Variants in C9orf72 observed in about 807,000 individuals in gnomAD.
C9orf72 encodes the protein guanine nucleotide exchange factor C9orf72.
In C9orf72, 44 loss-of-function variants were observed where a neutral mutation model predicts 51.6. The ratio of observed to expected loss-of-function variants is 0.85; its 90% CI spans 0.67 to 1.10. The LOEUF (loss-of-function observed/expected upper bound fraction) is 1.10, where lower values mean the gene tolerates loss of function less well. C9orf72 is among the 50% of genes least tolerant of loss of function. The pLI, the probability that C9orf72 is intolerant of heterozygous loss-of-function variation, is 0.00. For synonymous variants in C9orf72, 213 were observed against 194.2 expected (o/e 1.10, Z -0.81); for missense variants, 607 against 570.6 (o/e 1.06, Z -0.65).
intron 9 of C9orf72, among the ~76,000 whole-genome samples, chr9:27,550,411 G>C (rs1016214175): frequency 2.0e-5 from 3 of 151,922 alleles, no homozygotes; most frequent in Non-Finnish European, 4.4e-5. Context: ...TGTAAACAAA[G>C]GTCTGAATTC....
In C9orf72 at chr9:27,548,646, G is replaced by C; in HGVS notation, c.1170C>G (p.Gly390=). The C allele has an allele frequency of 6.2e-7, 1 of 1,610,492 alleles. No individual in the cohort carries two copies. Among genetic ancestry groups the C allele is most frequent in the Non-Finnish European group, 8.5e-7 (1 of 1,176,844 alleles). The change falls in exon 10 of 11, where the codon GGC becomes GGG. Residue 390 remains glycine (G), a synonymous_variant. Coordinates refer to ENST00000380003, the MANE Select transcript of C9orf72 (RefSeq NM_018325.5). ...CAAGGAAAGTACTTCTGAGAGATAA[G>C]CCAGGTTTCAGCTGAAAGACCTGCA... is the stretch of plus-strand genomic sequence containing the variant. ...FLDQVFQLKP[G]LSLRSTFLAQ... is the part of the protein sequence containing the mutation.
chr9:27,560,365 A>C (rs1429011695), intron 5 of C9orf72, 66 bp from the exon 6 acceptor site: 5 of 1,230,710 alleles, frequency 4.1e-6, no homozygotes, highest in Non-Finnish European at 5.7e-6. Flanking sequence ...TAAAAACAAA[A>C]AAAAGTAGGT....
intron 7 of C9orf72, among the ~76,000 whole-genome samples, chr9:27,557,214 A>G (rs1819222719): frequency 1.3e-5 from 2 of 152,172 alleles, no homozygotes. Flanking sequence ...GATATACCAA[A>G]TATTAACAGT....
At chr9:27,548,802 T>C (rs1587297164) in intron 9 of C9orf72, 136 bp from the exon 10 acceptor site, 1 of 573,086 alleles carries the variant, frequency 1.7e-6, no homozygotes, top group East Asian at 2.9e-5. Context: ...TGATGCCCCC[T>C]AACAGGAGTG....
At chr9:27,564,255 C>G (rs1172341433) in intron 3 of C9orf72, among the ~76,000 whole-genome samples, 1 of 150,180 alleles carries the variant, frequency 6.7e-6, no homozygotes, top group Non-Finnish European at 1.5e-5. Context: ...ACTTCCCAAA[C>G]TTGAACTTCT....
chr9:27,561,846 C>A (rs1212708897), intron 4 of C9orf72, among the ~76,000 whole-genome samples, 197 bp from the exon 5 acceptor site: 1 of 152,116 alleles, frequency 6.6e-6, no homozygotes, highest in East Asian at 1.9e-4. Context: ...GCTGGTCAAG[C>A]AGGTTAAACA....
chr9:27,573,486 C>CCCCGCCCCGGGCCCGCCCCCGGG (rs1401904755), upstream of C9orf72: 2 of 146,212 alleles, frequency 1.4e-5, no homozygotes, highest in African/African-American at 5.0e-5. Flanking sequence ...GCAACCGCAG[C>CCCCGCCCCGGGCCCGCCCCCGGG]CCCGCCCCGG....
intron 8 of C9orf72, among the ~76,000 whole-genome samples, chr9:27,556,186 G>C (rs1819190115): frequency 6.6e-6 from 1 of 151,690 alleles, no homozygotes. Context: ...TACTTCTTTG[G>C]TTTTGTTAAT....
In C9orf72 at chr9:27,560,133, C is replaced by G. The variant is rs1295603326; in HGVS notation, c.738+94G>C. 3 of 779,998 alleles carry G rather than the reference C, an allele frequency of 3.8e-6. No homozygotes were observed. In the East Asian group the frequency reaches 8.7e-5, roughly 23 times the overall value. 48.3% of individuals were successfully genotyped at this position (779,998 alleles called of 1,614,324 possible). A position where few individuals can be genotyped will look rare whatever the true frequency, so the allele number is the denominator to read the frequency against. ...ACATTGCCTCCTTATACTACTAGAT[C>G]ATTTTAATTGCAACCTACCATTTAA... On this transcript the variant is annotated intron_variant, in intron 6 of 10. Coordinates refer to ENST00000380003, the MANE Select transcript of C9orf72 (RefSeq NM_018325.5).
At position 27,565,532 on chromosome 9, in the gene C9orf72, T is replaced by A; in HGVS notation, c.503A>T (p.Gln168Leu). 1 of 1,593,424 alleles carries A rather than the reference T, an allele frequency of 6.3e-7. No individual in the cohort carries two copies. Residue 168 changes from glutamine to leucine, a missense_variant and splice_region_variant, in exon 3 of 11, where the codon CAG becomes CTG. Gln to Leu is a moderately radical substitution (Grantham distance 113). Transcript: ENST00000380003. ...ILEGTERMED[Q>L]GQSIIPMLTG... ...TGACAGTATGCAATTTGCATATACC[T>A]GATCTTCCATTCTCTCTGTGCCTTC...
At position 27,561,637 on chromosome 9, in the gene C9orf72, CT is replaced by C; in HGVS notation, c.612del (p.Val205TyrfsTer32). 1 of 1,598,398 alleles carries C rather than the reference CT, an allele frequency of 6.3e-7. No homozygotes were observed. Among genetic ancestry groups the C allele is most frequent in the South Asian group, 1.1e-5 (1 of 89,556 alleles). ...TCACCAATATCATCATCATTGAGTA[CT>C]GTATCAGCTATCTAAAATGCATCAA... ...SVPEEIDIAD[T>X]VLNDDDIGDS... On this transcript the variant is annotated frameshift_variant, in exon 5 of 11. Transcript: ENST00000380003. LOFTEE classifies it high-confidence loss of function.
At chr9:27,562,917 A>G (rs1018279493) in intron 3 of C9orf72, among the ~76,000 whole-genome samples, 3 of 152,014 alleles carry the variant, frequency 2.0e-5, no homozygotes, top group Non-Finnish European at 2.9e-5. Context: ...CCGGCCCTAA[A>G]GCTCACTTTT....
intron 9 of C9orf72, among the ~76,000 whole-genome samples, chr9:27,550,332 A>T (rs1820881169): frequency 6.6e-6 from 1 of 151,882 alleles, no homozygotes; most frequent in African/African-American, 2.4e-5. Context: ...GTTTCAAAAA[A>T]CAGTAGTTGT....
chr9:27,573,065 C>T (rs955699922), intron 1 of C9orf72, among the ~76,000 whole-genome samples: 23 of 152,170 alleles, frequency 1.5e-4, no homozygotes, highest in African/African-American at 5.5e-4. Flanking sequence ...CGGCCTTCCC[C>T]CAGGCGAGGC....
chr9:27,562,522 G>C lies in C9orf72; in HGVS notation c.505-46C>G, dbSNP rs778372278. Reference sequence around the variant, plus strand: ...AAGTGAAGAAAATCACGTAATATGAGAGAAGCTGGGCAATAAAAAATAAAA... The same window carrying C: ...AAGTGAAGAAAATCACGTAATATGACAGAAGCTGGGCAATAAAAAATAAAA... On this transcript the variant is annotated intron_variant, in intron 3 of 10. Coordinates refer to ENST00000380003, the MANE Select transcript of C9orf72 (RefSeq NM_018325.5). 1.7e-5 allele frequency: 15 copies of C among 905,810 alleles called. No individual in the cohort carries two copies. In the South Asian group the frequency reaches 2.5e-4, roughly 15 times the overall value. The allele number at this position is 905,810 out of a possible 1,614,324, so 56.1% of individuals were successfully genotyped here. A position where few individuals can be genotyped will look rare whatever the true frequency, so the allele number is the denominator to read the frequency against.
rs962645019 is a variant in C9orf72, at chr9:27,573,432, C to T, written c.-46G>A. ...CCAGGATGCCGCCTCCTCACTCACC[C>T]ACTCGCCACCGCCTGCGCCTCCGCC... is the stretch of plus-strand genomic sequence containing the variant. On this transcript the variant is annotated splice_region_variant and 5_prime_UTR_variant, in exon 1 of 11. Coordinates refer to ENST00000380003, the MANE Select transcript of C9orf72 (RefSeq NM_018325.5). The T allele has an allele frequency of 4.0e-5, 6 of 151,588 alleles. No homozygotes were observed. The highest frequency in any genetic ancestry group is 7.3e-5 in the African/African-American group (3 of 41,324). 9.4% of individuals were successfully genotyped at this position (151,588 alleles called of 1,614,324 possible).
At chr9:27,564,156 C>CAAAAAAAAAAAAAAAAA (rs11438223) in intron 3 of C9orf72, among the ~76,000 whole-genome samples, 1 of 86,724 alleles carries the variant, frequency 1.2e-5, no homozygotes, top group Non-Finnish European at 2.2e-5. Context: ...TCAACAACAC[C>CAAAAAAAAAAAAAAAAA]AAAAAAAAAA....
At chr9:27,563,448 G>T (rs1266825271) in intron 3 of C9orf72, among the ~76,000 whole-genome samples, 1 of 152,096 alleles carries the variant, frequency 6.6e-6, no homozygotes, top group Non-Finnish European at 1.5e-5. Flanking sequence ...AGATATAAAT[G>T]AAATTGTCAA....
Position 27,556,725 on chromosome 9 carries a change from A to T in C9orf72, c.927T>A (p.Asp309Glu). ...TCTGCTTCACAGTATTGACATCCAC[A>T]TCTATGTGTGTGGTGGGATATGGAG... ...MYAPYPTTHI[D>E]VDVNTVKQMP... Residue 309 changes from aspartate (D) to glutamate (E), a missense_variant, in exon 8 of 11, where the codon GAT (aspartate) becomes GAA (glutamate). Transcript: ENST00000380003. 1.9e-6 allele frequency: 3 copies of T among 1,614,026 alleles called. No individual in the cohort carries two copies. Among genetic ancestry groups the T allele is most frequent in the Non-Finnish European group, 2.5e-6 (3 of 1,179,902 alleles).
Sources: allele counts gnomAD v4.1 joint callset (sites outside exome capture counted in the v4.1 genomes callset), GRCh38; gene constraint gnomAD v4.1.1; transcripts MANE v1.5; gene names NCBI Gene and HGNC (gene_info 2026-07-23, HGNC 2026-07-21).